THEMIS: variants seen among roughly 807,000 people sequenced by gnomAD.
THEMIS encodes the protein thymocyte selection associated.
Under a neutral mutation model 52.6 loss-of-function variants are expected in THEMIS, and 37 were observed. The observed-to-expected ratio is 0.70, with a 90% CI of 0.54 to 0.93. The LOEUF (loss-of-function observed/expected upper bound fraction) is 0.93, where lower values mean the gene tolerates loss of function less well. Among genes scored for constraint, THEMIS ranks in the 40% least tolerant of loss-of-function variants. The probability of loss-of-function intolerance (pLI) is 0.00; values close to 1 mark genes in which losing one functional copy is unlikely to be tolerated. For synonymous variants in THEMIS, 292 were observed against 272.7 expected, an observed-to-expected ratio of 1.07 and a Z score of -0.70; for missense variants, 808 against 763.1, an observed-to-expected ratio of 1.06 and a Z score of -0.69.
At chr6:127,894,707 T>C (rs1275458887) in intron 1 of THEMIS, among the ~76,000 whole-genome samples, 1 of 151,604 alleles carries the variant, frequency 6.6e-6, no homozygotes, top group East Asian at 1.9e-4. Flanking sequence ...TAGCTTCTTT[T>C]CAAAAAAATT....
the THEMIS span, among the ~76,000 whole-genome samples, chr6:127,696,855 C>G: frequency 2.6e-5 from 4 of 152,150 alleles, no homozygotes; most frequent in East Asian, 7.7e-4. Flanking sequence ...ATAAAGGCAC[C>G]AATCTACTGG....
rs1184176586 is a variant in THEMIS at position 127,731,905 on chromosome 6, A to C, written c.1759-12082T>G. ...TTTTTTTTAGTAGAGATGGGGTTTCACCCTGTTAGCCAGGATGGTCTCAAT... is the reference window on the plus strand; with the variant it reads ...TTTTTTTTAGTAGAGATGGGGTTTCCCCCTGTTAGCCAGGATGGTCTCAAT... On this transcript the variant is annotated intron_variant, in intron 4 of 5. Coordinates refer to ENST00000368248, the MANE Select transcript of THEMIS (RefSeq NM_001010923.3). Among the ~76,000 whole-genome samples the C allele has an allele frequency of 3.5e-4, 19 of 54,966 alleles. 1 individual carries two copies. Among genetic ancestry groups the C allele is most frequent in the East Asian group, 1.1e-3 (1 of 896 alleles). 36.1% of individuals were successfully genotyped at this position (54,966 alleles called of 152,430 possible).
chr6:127,788,785 T>A (rs980649487), intron 4 of THEMIS, among the ~76,000 whole-genome samples: 1 of 152,068 alleles, frequency 6.6e-6, no homozygotes, highest in African/African-American at 2.4e-5. Flanking sequence ...CCCTCCCTAC[T>A]CTCCAGGAAG....
intron 4 of THEMIS, among the ~76,000 whole-genome samples, chr6:127,809,745 C>T (rs533058497): frequency 1.3e-5 from 2 of 151,640 alleles, no homozygotes; most frequent in South Asian, 4.2e-4. Context: ...TTTGTCCTCC[C>T]TTTAACTTTC....
At chr6:127,917,890 T>C (rs1271413502) in intron 1 of THEMIS, among the ~76,000 whole-genome samples, 1 of 152,248 alleles carries the variant, frequency 6.6e-6, no homozygotes, top group Non-Finnish European at 1.5e-5. Flanking sequence ...TGGTTCAGCA[T>C]TTCCTTGGAT....
intron 1 of THEMIS, among the ~76,000 whole-genome samples, chr6:127,876,027 A>C (rs1780303972): frequency 6.6e-6 from 1 of 152,240 alleles, no homozygotes; most frequent in Non-Finnish European, 1.5e-5. Context: ...TCTGACATCC[A>C]ATGTTTTCCT....
At chr6:127,762,833 TG>T (rs1776068675) in intron 4 of THEMIS, among the ~76,000 whole-genome samples, 1 of 152,114 alleles carries the variant, frequency 6.6e-6, no homozygotes, top group Non-Finnish European at 1.5e-5. Flanking sequence ...TACCTGCTTT[TG>T]CTGCCATTGT....
intron 4 of THEMIS, among the ~76,000 whole-genome samples, chr6:127,731,641 A>G (rs1468790256): frequency 1.4e-5 from 2 of 140,110 alleles, no homozygotes; most frequent in Non-Finnish European, 3.1e-5. Flanking sequence ...TTTTCACCGT[A>G]TTTTGGAAGA....
At chr6:127,862,428 A>ATTGTTTTTTTTTTTTTTT in intron 1 of THEMIS, among the ~76,000 whole-genome samples, 1 of 72,808 alleles carries the variant, frequency 1.4e-5, no homozygotes, top group Non-Finnish European at 2.8e-5. Context: ...TAGGGAGTAA[A>ATTGTTTTTTTTTTTTTTT]TTTTTTTTTT....
the THEMIS span, among the ~76,000 whole-genome samples, chr6:127,701,221 C>T: frequency 2.6e-5 from 4 of 151,964 alleles, no homozygotes; most frequent in Admixed American, 2.6e-4. Flanking sequence ...GCACTGTTGC[C>T]TTTTCTTAAT....
At chr6:127,842,579 G>A (rs971502568) in intron 2 of THEMIS, among the ~76,000 whole-genome samples, 11 of 151,842 alleles carry the variant, frequency 7.2e-5, no homozygotes, top group East Asian at 1.9e-4. Context: ...AGAATTCTCC[G>A]TAGCATTTCT....
chr6:127,830,632 G>T (rs936605927), intron 2 of THEMIS, among the ~76,000 whole-genome samples: 2 of 151,874 alleles, frequency 1.3e-5, no homozygotes, highest in African/African-American at 4.8e-5. Context: ...GTTGTAGTGA[G>T]CCACGATCAC....
intron 3 of THEMIS, among the ~76,000 whole-genome samples, chr6:127,823,225 T>C (rs1470011450): frequency 6.6e-6 from 1 of 152,150 alleles, no homozygotes; most frequent in Non-Finnish European, 1.5e-5. Context: ...AAATGGGAGC[T>C]GACTAGAGTA....
At chr6:127,872,489 T>C (rs1007535787) in intron 1 of THEMIS, among the ~76,000 whole-genome samples, 2 of 151,800 alleles carry the variant, frequency 1.3e-5, no homozygotes, top group Non-Finnish European at 2.9e-5. Flanking sequence ...GGAAACCCAG[T>C]AAGCAGAGGT....
chr6:127,783,253 G>T (rs963256188), intron 4 of THEMIS, among the ~76,000 whole-genome samples: 13 of 152,122 alleles, frequency 8.5e-5, no homozygotes, highest in African/African-American at 2.9e-4. Context: ...ATGGATTAAA[G>T]ACTTAAATAT....
At chr6:127,862,427 A>ATTTTTTTTTTTTTTTTTT (rs1779833572) in intron 1 of THEMIS, among the ~76,000 whole-genome samples, 1 of 60,804 alleles carries the variant, frequency 1.6e-5, no homozygotes, top group Non-Finnish European at 3.8e-5. Context: ...CTAGGGAGTA[A>ATTTTTTTTTTTTTTTTTT]ATTTTTTTTT....
chr6:127,812,583 G>A (rs1361670088), intron 4 of THEMIS, among the ~76,000 whole-genome samples: 1 of 152,002 alleles, frequency 6.6e-6, no homozygotes, highest in Non-Finnish European at 1.5e-5. Context: ...TGCTTCTAAG[G>A]CACTTTATAA....
intron 5 of THEMIS, among the ~76,000 whole-genome samples, chr6:127,717,176 T>C (rs2114475659): frequency 6.7e-6 from 1 of 149,672 alleles, no homozygotes. Flanking sequence ...TACTAACTTT[T>C]ACCTATTTGA....
In THEMIS at chr6:127,829,500, A is replaced by G. The variant is rs778021060; in HGVS notation, c.685T>C (p.Tyr229His). The G allele has an allele frequency of 6.2e-7, 1 of 1,607,650 alleles. No individual in the cohort carries two copies. Among genetic ancestry groups the G allele is most frequent in the East Asian group, 2.2e-5 (1 of 44,842 alleles). The change falls in exon 3 of 6, where the codon TAT (tyrosine) becomes CAT (histidine). Residue 229 changes from tyrosine to histidine, a missense_variant. Transcript: ENST00000368248. Reference protein sequence around the residue: ...FYGTLILKPVYEIQGVMKFRK... With the variant: ...FYGTLILKPVHEIQGVMKFRK... ...CATTTCATCACACCTTGAATTTCAT[A>G]AACAGGCTTGAGAATCAGGGTACCA...
Sources: allele counts gnomAD v4.1 joint callset (sites outside exome capture counted in the v4.1 genomes callset), GRCh38; gene constraint gnomAD v4.1.1; transcripts MANE v1.5; gene names NCBI Gene and HGNC (gene_info 2026-07-23, HGNC 2026-07-21).